The following UFL1 variants were observed in gnomAD, a reference collection of about 807,000 sequenced individuals.
The protein encoded by UFL1 is UFM1 specific ligase 1.
UFL1 carries 78 observed loss-of-function variants against 99.3 expected under a neutral mutation model. The observed-to-expected ratio is 0.79, with a 90% CI of 0.65 to 0.95. The LOEUF (loss-of-function observed/expected upper bound fraction) is 0.95, where lower values mean the gene tolerates loss of function less well. Among genes scored for constraint, UFL1 ranks in the 40% least tolerant of loss-of-function variants. The probability of loss-of-function intolerance (pLI) is 0.00; values close to 1 mark genes in which losing one functional copy is unlikely to be tolerated. For synonymous variants in UFL1, 335 were observed against 322.2 expected (o/e 1.04, Z -0.42); for missense variants, 936 against 937.0 (o/e 1.00, Z 0.01).
chr6:96,529,546 T>G (rs1769752006), intron 6 of UFL1, among the ~76,000 whole-genome samples: 1 of 152,238 alleles, frequency 6.6e-6, no homozygotes, highest in Non-Finnish European at 1.5e-5. Context: ...AGCATTTAAC[T>G]CCAGTTACAA....
chr6:96,551,580 T>A, intron 16 of UFL1, 67 bp downstream of exon 16: 2 of 1,128,008 alleles, frequency 1.8e-6, no homozygotes, highest in East Asian at 2.7e-5. Flanking sequence ...TTTGAGTAGA[T>A]TTTTTTATCA....
rs543166459 is a variant in UFL1, at chr6:96,536,012, C to T, written c.656-232C>T. On this transcript the variant is annotated intron_variant, in intron 7 of 18. Coordinates refer to ENST00000369278, the MANE Select transcript of UFL1 (RefSeq NM_015323.5). The stretch of plus-strand genomic sequence containing the variant: ...TAACTAGCTTGAGTTACAAGTTCAA[C>T]ACCTTTAGCTAGTTGCCAAAATGCA... Among the ~76,000 whole-genome samples the T allele has an allele frequency of 2.6e-5, 4 of 152,114 alleles. No individual in the cohort carries two copies. In the East Asian group the frequency reaches 7.7e-4, roughly 29 times the overall value.
intron 7 of UFL1, 65 bp from the exon 8 acceptor site, chr6:96,536,179 G>A (rs2127950852): frequency 7.1e-7 from 1 of 1,416,106 alleles, no homozygotes; most frequent in Middle Eastern, 1.9e-4. Context: ...AAATAATAAA[G>A]TATTTTACTT....
At chr6:96,535,876 T>A (rs1769845635) in intron 7 of UFL1, among the ~76,000 whole-genome samples, 1 of 152,042 alleles carries the variant, frequency 6.6e-6, no homozygotes, top group African/African-American at 2.4e-5. Context: ...TAATTGCATA[T>A]TACCTGTTCT....
rs138484512 is a variant in UFL1 at position 96,538,731 on chromosome 6, A to T, written c.1079A>T (p.Asp360Val). 8.7e-6 allele frequency: 14 copies of T among 1,611,616 alleles called. No homozygotes were observed. Among genetic ancestry groups the T allele is most frequent in the Non-Finnish European group, 1.2e-5 (14 of 1,178,432 alleles). Reference protein sequence around the residue: ...SKQASTVVFSDTVVVSEKFIN... With the variant: ...SKQASTVVFSVTVVVSEKFIN... ...CAGGCCTCAACTGTAGTCTTTAGCG[A>T]CACTGTTGTAGTCAGTGAAAAATTT... The change falls in exon 10 of 19, where the codon GAC becomes GTC. Residue 360 changes from aspartate to valine, a missense_variant. Asp to Val is a radical substitution (Grantham distance 152, BLOSUM62 -3). Coordinates refer to ENST00000369278, the MANE Select transcript of UFL1 (RefSeq NM_015323.5).
rs1056591243 is a variant in UFL1 at position 96,532,325 on chromosome 6, G to A, written c.597-1938G>A. 2.0e-5 allele frequency among the ~76,000 whole-genome samples: 3 copies of A among 152,280 alleles called. No homozygotes were observed. In the East Asian group the frequency reaches 5.8e-4, roughly 29 times the overall value. On this transcript the variant is annotated intron_variant, in intron 6 of 18. Coordinates refer to ENST00000369278, the MANE Select transcript of UFL1 (RefSeq NM_015323.5). ...GAACAAAAGACAAAAAACATGAGAG[G>A]TTGTAACAATTATAAGGTAAACAAA... is the stretch of plus-strand genomic sequence containing the variant.
chr6:96,534,222 T>A (rs1014855580), intron 6 of UFL1, 41 bp from the exon 7 acceptor site: 4 of 1,354,280 alleles, frequency 3.0e-6, no homozygotes, highest in Non-Finnish European at 4.0e-6. Context: ...TATAACACTA[T>A]AATGAGTAAG....
intron 7 of UFL1, among the ~76,000 whole-genome samples, chr6:96,534,734 C>T (rs993382836): frequency 4.0e-5 from 6 of 151,616 alleles, no homozygotes; most frequent in African/African-American, 1.5e-4. Context: ...AAAGTATATT[C>T]TTATCATTCA....
intron 6 of UFL1, among the ~76,000 whole-genome samples, chr6:96,531,216 T>G (rs964149869): frequency 3.3e-5 from 5 of 152,060 alleles, no homozygotes; most frequent in African/African-American, 4.8e-5. Flanking sequence ...CTAAAAAGGA[T>G]GGGGACCGTT....
intron 11 of UFL1, among the ~76,000 whole-genome samples, chr6:96,541,194 A>T (rs146887018): frequency 1.0e-3 from 154 of 151,470 alleles, no homozygotes; most frequent in African/African-American, 3.5e-3. Flanking sequence ...TATCACCATG[A>T]TGTGTTTTAT....
chr6:96,533,490 A>G (rs923281029), intron 6 of UFL1, among the ~76,000 whole-genome samples: 1 of 152,084 alleles, frequency 6.6e-6, no homozygotes, highest in Non-Finnish European at 1.5e-5. Flanking sequence ...GAGACCACAT[A>G]TTAATTCCAT....
At chr6:96,535,021 T>G (rs1769833899) in intron 7 of UFL1, among the ~76,000 whole-genome samples, 1 of 152,014 alleles carries the variant, frequency 6.6e-6, no homozygotes, top group African/African-American at 2.4e-5. Context: ...TTTGTTGGAA[T>G]CTATATAATT....
chr6:96,531,701 A>G (rs1295196239), intron 6 of UFL1, among the ~76,000 whole-genome samples: 1 of 152,214 alleles, frequency 6.6e-6, no homozygotes, highest in Non-Finnish European at 1.5e-5. Flanking sequence ...AACTAAAAAT[A>G]TCTTTGTTCC....
chr6:96,541,076 A>G (rs1769924543), intron 11 of UFL1, among the ~76,000 whole-genome samples: 1 of 151,396 alleles, frequency 6.6e-6, no homozygotes, highest in Non-Finnish European at 1.5e-5. Flanking sequence ...CTTTTCATTC[A>G]GAGCTCGACT....
intron 11 of UFL1, among the ~76,000 whole-genome samples, chr6:96,541,833 T>C (rs1769935697): frequency 6.6e-6 from 1 of 151,226 alleles, no homozygotes; most frequent in Non-Finnish European, 1.5e-5. Context: ...TGGAATCATG[T>C]CAATCATGAA....
At chr6:96,552,321 T>G (rs1402358667) in intron 17 of UFL1, among the ~76,000 whole-genome samples, 161 bp from the exon 18 acceptor site, 1 of 152,126 alleles carries the variant, frequency 6.6e-6, no homozygotes, top group Non-Finnish European at 1.5e-5. Flanking sequence ...CCATGCCATT[T>G]AGGTTTTATG....
chr6:96,534,440 G>T, intron 7 of UFL1, 119 bp downstream of exon 7: 12 of 764,986 alleles, frequency 1.6e-5, no homozygotes, highest in Non-Finnish European at 2.1e-5. Context: ...ATATTTCCTG[G>T]TTTAAAAAAG....
At chr6:96,529,575 CT>C (rs952346286) in intron 6 of UFL1, among the ~76,000 whole-genome samples, 3 of 152,152 alleles carry the variant, frequency 2.0e-5, no homozygotes, top group Non-Finnish European at 2.9e-5. Context: ...TTGAAATACT[CT>C]TTTTTTAAAC....
intron 5 of UFL1, among the ~76,000 whole-genome samples, chr6:96,526,918 G>A (rs1769711989): frequency 6.6e-6 from 1 of 152,240 alleles, no homozygotes. Flanking sequence ...AGAACATCCT[G>A]CCAACAAAGA....
Sources: allele counts gnomAD v4.1 joint callset (sites outside exome capture counted in the v4.1 genomes callset), GRCh38; gene constraint gnomAD v4.1.1; transcripts MANE v1.5; gene names NCBI Gene and HGNC (gene_info 2026-07-23, HGNC 2026-07-21).